The following ELOVL6 variants were observed in gnomAD, a reference collection of about 807,000 sequenced individuals.
ELOVL6 encodes the protein very long chain fatty acid elongase 6.
ELOVL6 carries 8 observed loss-of-function variants against 31.7 expected under a neutral mutation model. The observed-to-expected ratio is 0.25, with a 90% confidence interval of 0.15 to 0.45. ELOVL6 has a LOEUF of 0.45. ELOVL6 is among the 20% of genes least tolerant of loss of function. The pLI, the probability that ELOVL6 is intolerant of heterozygous loss-of-function variation, is 1.00. For missense variants in ELOVL6, 126 were observed against 326.4 expected, an observed-to-expected ratio of 0.39 and a Z score of 4.73; for synonymous variants, 101 against 117.7, an observed-to-expected ratio of 0.86 and a Z score of 0.92.
chr4:110,151,135 A>C (rs538082742), intron 1 of ELOVL6, among the ~76,000 whole-genome samples: 1 of 152,122 alleles, frequency 6.6e-6, no homozygotes, highest in Admixed American at 6.5e-5. Flanking sequence ...TACATGACTA[A>C]AGATTTCAAT....
chr4:110,177,198 G>C (rs928438763), intron 1 of ELOVL6, among the ~76,000 whole-genome samples: 2 of 152,164 alleles, frequency 1.3e-5, no homozygotes, highest in African/African-American at 4.8e-5. Flanking sequence ...CAGTGATTGA[G>C]AGGCTAAGGC....
intron 1 of ELOVL6, among the ~76,000 whole-genome samples, chr4:110,171,103 G>A (rs1007820113): frequency 2.6e-5 from 4 of 152,152 alleles, no homozygotes; most frequent in Non-Finnish European, 5.9e-5. Context: ...TGGGTTTCCC[G>A]CTCAGTCAAT....
chr4:110,189,564 G>A (rs1759547236), intron 1 of ELOVL6, among the ~76,000 whole-genome samples: 1 of 113,860 alleles, frequency 8.8e-6, no homozygotes, highest in African/African-American at 3.5e-5. Flanking sequence ...ACTGCACTCA[G>A]ACTGGGAGAC....
intron 1 of ELOVL6, among the ~76,000 whole-genome samples, chr4:110,164,714 C>G (rs545118907): frequency 7.2e-6 from 1 of 139,740 alleles, no homozygotes; most frequent in East Asian, 2.0e-4. Context: ...GCACTCCAGC[C>G]TGGGTGAAAG....
intron 1 of ELOVL6, among the ~76,000 whole-genome samples, chr4:110,156,745 G>A (rs1026384092): frequency 6.6e-6 from 1 of 152,164 alleles, no homozygotes; most frequent in Non-Finnish European, 1.5e-5. Context: ...TTTCAGGACA[G>A]AAGAGACAAG....
chr4:110,085,600 T>C lies in ELOVL6; in HGVS notation c.221+19897A>G, dbSNP rs183056544. On this transcript the variant is annotated intron_variant, in intron 2 of 3. Transcript: ENST00000302274. ...AGTTACTGTAAGAGTCCCTGGACTC[T>C]GGTGAGGGGGCATTGGGTGGTATCT... Among the ~76,000 whole-genome samples, 3 of 152,316 alleles carry C rather than the reference T, an allele frequency of 2.0e-5. No individual in the cohort carries two copies. The East Asian group carries it at 5.8e-4, about 29-fold the overall frequency.
At chr4:110,160,392 T>C (rs1758598740) in intron 1 of ELOVL6, among the ~76,000 whole-genome samples, 1 of 152,224 alleles carries the variant, frequency 6.6e-6, no homozygotes, top group African/African-American at 2.4e-5. Context: ...CTTCCTGTGT[T>C]GCTTTACTCA....
chr4:110,120,120 A>C (rs184926273), intron 1 of ELOVL6, among the ~76,000 whole-genome samples: 1 of 152,170 alleles, frequency 6.6e-6, no homozygotes, highest in African/African-American at 2.4e-5. Context: ...ATGCCCTTTG[A>C]GAATGCATTA....
rs563312315 is a variant in ELOVL6 at position 110,056,130 on chromosome 4, G to C, written c.373+3473C>G. Reference sequence around the variant, plus strand: ...TTTGAGTTTGTGGGAGCTGGGGGGGGGGATACAGTTTCAGTACTATACATG... The same window carrying C: ...TTTGAGTTTGTGGGAGCTGGGGGGGCGGATACAGTTTCAGTACTATACATG... On this transcript the variant is annotated intron_variant, in intron 3 of 3. Coordinates refer to ENST00000302274, the MANE Select transcript of ELOVL6 (RefSeq NM_024090.3). 1.6e-4 allele frequency among the ~76,000 whole-genome samples: 20 copies of C among 126,540 alleles called. 1 individual carries two copies. Among genetic ancestry groups the C allele is most frequent in the Admixed American group, 3.7e-4 (5 of 13,648 alleles). 83.0% of individuals were successfully genotyped at this position (126,540 alleles called of 152,430 possible). A position where few individuals can be genotyped will look rare whatever the true frequency, so the allele number is the denominator to read the frequency against.
chr4:110,188,826 G>C (rs527446455), intron 1 of ELOVL6, among the ~76,000 whole-genome samples: 7 of 151,482 alleles, frequency 4.6e-5, no homozygotes, highest in African/African-American at 1.5e-4. Context: ...GGGAGGCAGA[G>C]GTTGCGGTGA....
At chr4:110,181,043 C>T (rs968593852) in intron 1 of ELOVL6, among the ~76,000 whole-genome samples, 3 of 151,230 alleles carry the variant, frequency 2.0e-5, no homozygotes, top group Non-Finnish European at 2.9e-5. Context: ...GAGGCTGAGG[C>T]GGAAGGATTG....
Position 110,125,900 on chromosome 4 carries a change from G to C in ELOVL6, c.90-20272C>G, listed in dbSNP as rs898337739. ...CTTGCATTCATGTGGGTTATAAAAAGAATGTTTTTATTACTTTTATAATAA... is the reference window on the plus strand; with the variant it reads ...CTTGCATTCATGTGGGTTATAAAAACAATGTTTTTATTACTTTTATAATAA... On this transcript the variant is annotated intron_variant, in intron 1 of 3. Transcript: ENST00000302274. Among the ~76,000 whole-genome samples the C allele has an allele frequency of 2.6e-5, 4 of 151,712 alleles. No homozygotes were observed. In the East Asian group the frequency reaches 7.7e-4, roughly 29 times the overall value.
chr4:110,131,247 T>C (rs1757660639), intron 1 of ELOVL6, among the ~76,000 whole-genome samples: 1 of 152,228 alleles, frequency 6.6e-6, no homozygotes, highest in Non-Finnish European at 1.5e-5. Context: ...CCAGAAGGGC[T>C]AGAAGAGTTT....
chr4:110,089,924 T>TC (rs1262392982), intron 2 of ELOVL6, among the ~76,000 whole-genome samples: 1 of 152,218 alleles, frequency 6.6e-6, no homozygotes, highest in East Asian at 1.9e-4. Flanking sequence ...GGCACATACC[T>TC]CTTCAGCAGA....
chr4:110,057,758 C>T (rs992970927), intron 3 of ELOVL6, among the ~76,000 whole-genome samples: 4 of 148,640 alleles, frequency 2.7e-5, no homozygotes, highest in Admixed American at 1.4e-4. Context: ...GGCTGAGGCA[C>T]GAGAATTGTT....
intron 1 of ELOVL6, among the ~76,000 whole-genome samples, chr4:110,118,914 A>G (rs966571481): frequency 6.6e-6 from 1 of 152,168 alleles, no homozygotes; most frequent in African/African-American, 2.4e-5. Flanking sequence ...AGTAAAAATT[A>G]GCCACGCATG....
At chr4:110,151,127 C>T (rs1486127303) in intron 1 of ELOVL6, among the ~76,000 whole-genome samples, 1 of 151,642 alleles carries the variant, frequency 6.6e-6, no homozygotes, top group Non-Finnish European at 1.5e-5. Context: ...ATAAATTCTA[C>T]ATGACTAAAG....
chr4:110,055,121 C>T (rs981089534), intron 3 of ELOVL6, among the ~76,000 whole-genome samples: 1 of 152,098 alleles, frequency 6.6e-6, no homozygotes, highest in Non-Finnish European at 1.5e-5. Context: ...AGTCCTCTCA[C>T]GGTCTTGGAT....
chr4:110,084,524 ATACACT>A (rs1341302394), intron 2 of ELOVL6, among the ~76,000 whole-genome samples: 27 of 107,546 alleles, frequency 2.5e-4, no homozygotes, highest in African/African-American at 8.6e-4. Flanking sequence ...TATACATTAT[ATACACT>A]TACACACACA....
Sources: gnomAD v4.1 joint callset for allele counts (sites outside exome capture counted in the v4.1 genomes callset) on GRCh38, gnomAD v4.1.1 for gene constraint, MANE v1.5 for transcripts, NCBI Gene and HGNC (gene_info 2026-07-23, HGNC 2026-07-21) for gene names.